ZNF536: variants seen among roughly 807,000 people sequenced by gnomAD.
The protein encoded by ZNF536 is zinc finger protein 536.
Under a neutral mutation model 84.5 loss-of-function variants are expected in ZNF536, and 13 were observed. The observed-to-expected ratio is 0.15, with a 90% CI of 0.10 to 0.24. The LOEUF is 0.24. Ranked by LOEUF, ZNF536 falls within the 10% of genes least tolerant of loss-of-function variation. The pLI, the probability that ZNF536 is intolerant of heterozygous loss-of-function variation, is 1.00. For missense variants in ZNF536, 1,536 were observed against 1,747.5 expected, an observed-to-expected ratio of 0.88 and a Z score of 2.16; for synonymous variants, 811 against 742.5, an observed-to-expected ratio of 1.09 and a Z score of -1.50.
intron 2 of ZNF536, among the ~76,000 whole-genome samples, chr19:30,288,250 C>T (rs192114866): frequency 2.6e-5 from 4 of 152,224 alleles, no homozygotes; most frequent in Admixed American, 2.6e-4. Flanking sequence ...ACTGGATGTC[C>T]GTCTCCTGGG....
intron 1 of ZNF536, among the ~76,000 whole-genome samples, chr19:30,397,542 T>C (rs752605179): frequency 5.3e-5 from 8 of 152,202 alleles, no homozygotes; most frequent in Non-Finnish European, 1.2e-4. Context: ...CAACTGAGTG[T>C]GAATCTACAA....
intron 2 of ZNF536, among the ~76,000 whole-genome samples, chr19:30,529,904 A>G (rs952249107): frequency 1.3e-5 from 2 of 152,256 alleles, no homozygotes; most frequent in African/African-American, 4.8e-5. Flanking sequence ...ATCTGAAGAA[A>G]TAATCCCATA....
chr19:30,415,167 C>G (rs1325095856), intron 1 of ZNF536, among the ~76,000 whole-genome samples: 1 of 78,350 alleles, frequency 1.3e-5, no homozygotes, highest in East Asian at 5.2e-4. Flanking sequence ...TCCCCCTGCC[C>G]CCTGTCTCCC....
At chr19:30,655,047 G>A (rs1476784495) in intron 1 of ZNF536, among the ~76,000 whole-genome samples, 3 of 152,208 alleles carry the variant, frequency 2.0e-5, no homozygotes, top group African/African-American at 4.8e-5. Flanking sequence ...CTACAACGAA[G>A]CACTCTGTTC....
chr19:30,571,038 T>C (rs537773020), intron 1 of ZNF536, among the ~76,000 whole-genome samples: 1 of 152,198 alleles, frequency 6.6e-6, no homozygotes, highest in Non-Finnish European at 1.5e-5. Context: ...GTGGAGTGTC[T>C]AACTGGCCCC....
intron 1 of ZNF536, among the ~76,000 whole-genome samples, chr19:30,578,592 A>G (rs1468498674): frequency 6.6e-6 from 1 of 152,180 alleles, no homozygotes; most frequent in Non-Finnish European, 1.5e-5. Context: ...CTCTTCCCAT[A>G]TTGGGCACTG....
intron 2 of ZNF536, among the ~76,000 whole-genome samples, chr19:30,533,479 C>T (rs2145912937): frequency 6.6e-6 from 1 of 151,078 alleles, no homozygotes; most frequent in South Asian, 2.1e-4. Flanking sequence ...GTGATTGTGC[C>T]ACTGCACTCT....
At position 30,271,294 on chromosome 19, in the gene ZNF536, C is replaced by CTTTTTTTTTTTTTTT. The variant is rs879683203; in HGVS notation, c.-189-12774_-189-12773insTTTTTTTTTTTTTTT. On this transcript the variant is annotated intron_variant, in intron 1 of 5. Coordinates refer to the ZNF536 transcript ENST00000585628. The stretch of plus-strand genomic sequence containing the variant: ...CTGGAAGCTTTCCCTGTGTTTTTTT[C>CTTTTTTTTTTTTTTT]TTTTCTTTTTTTTTTTTTTTTTTTT... Among the ~76,000 whole-genome samples the CTTTTTTTTTTTTTTT allele has an allele frequency of 7.5e-4, 77 of 103,156 alleles. 1 individual carries two copies. The highest frequency in any genetic ancestry group is 2.1e-3 in the East Asian group (7 of 3,400). 67.7% of individuals were successfully genotyped at this position (103,156 alleles called of 152,430 possible). A position where few individuals can be genotyped will look rare whatever the true frequency, so the allele number is the denominator to read the frequency against.
At chr19:30,437,160 T>G (rs1167130634) in intron 1 of ZNF536, among the ~76,000 whole-genome samples, 1 of 152,220 alleles carries the variant, frequency 6.6e-6, no homozygotes, top group Non-Finnish European at 1.5e-5. Context: ...AGATTACTTT[T>G]TTTTTTCTGT....
At chr19:30,667,640 T>A (rs990054658) in intron 1 of ZNF536, among the ~76,000 whole-genome samples, 20 of 150,154 alleles carry the variant, frequency 1.3e-4, no homozygotes, top group Middle Eastern at 3.4e-3. Context: ...TTTTTTTTTT[T>A]AATTAATGAG....
intron 1 of ZNF536, among the ~76,000 whole-genome samples, chr19:30,404,282 G>C (rs2050175772): frequency 6.6e-6 from 1 of 152,262 alleles, no homozygotes; most frequent in African/African-American, 2.4e-5. Flanking sequence ...TGTGGAGACA[G>C]CCTTGGTGTA....
Position 30,534,950 on chromosome 19 carries a change from A to G in ZNF536, c.2274A>G (p.Lys758=). The change falls in exon 3 of 5, where the codon AAA becomes AAG. Residue 758 remains lysine, a synonymous_variant. Coordinates refer to ENST00000355537, the MANE Select transcript of ZNF536 (RefSeq NM_014717.3). ...SAMKDCPYCG[K]TFRTSHHLKV... is the part of the protein sequence containing the mutation. ...TGAAGGACTGCCCGTACTGTGGGAAAACTTTCCGGACATCCCATCACCTTA... is the reference window on the plus strand; with the variant it reads ...TGAAGGACTGCCCGTACTGTGGGAAGACTTTCCGGACATCCCATCACCTTA... The G allele has an allele frequency of 6.2e-7, 1 of 1,613,702 alleles. No individual in the cohort carries two copies. Among genetic ancestry groups the G allele is most frequent in the South Asian group, 1.1e-5 (1 of 90,876 alleles).
intron 1 of ZNF536, among the ~76,000 whole-genome samples, chr19:30,232,380 T>C (rs1034357078): frequency 3.9e-5 from 6 of 152,152 alleles, no homozygotes; most frequent in Non-Finnish European, 7.4e-5. Context: ...ATGCATCCCG[T>C]CACCCAGGTA....
At chr19:30,388,897 G>A (rs1242115192) in intron 1 of ZNF536, among the ~76,000 whole-genome samples, 1 of 152,174 alleles carries the variant, frequency 6.6e-6, no homozygotes, top group Admixed American at 6.5e-5. Flanking sequence ...AGCTGGCAAT[G>A]GCCATTTATG....
chr19:30,489,970 C>T (rs970324178), intron 2 of ZNF536, among the ~76,000 whole-genome samples: 1 of 152,248 alleles, frequency 6.6e-6, no homozygotes, highest in African/African-American at 2.4e-5. Flanking sequence ...AAAGGGTGCA[C>T]ACTCTGTTCT....
chr19:30,373,933 C>T (rs1341775362), intron 1 of ZNF536, among the ~76,000 whole-genome samples: 1 of 152,232 alleles, frequency 6.6e-6, no homozygotes, highest in Non-Finnish European at 1.5e-5. Flanking sequence ...CCCAGGGCCG[C>T]AGCCCACCCG....
rs2148207726 is a variant in ZNF536 at position 30,445,007 on chromosome 19, A to G, written c.1445A>G (p.Glu482Gly). 2.5e-6 allele frequency: 4 copies of G among 1,611,408 alleles called. No individual in the cohort carries two copies. The highest frequency in any genetic ancestry group is 3.4e-6 in the Non-Finnish European group (4 of 1,178,702). The change falls in exon 2 of 5, where the codon GAG becomes GGG. Residue 482 changes from glutamate (E) to glycine (G), a missense_variant. Glu to Gly is a moderately conservative substitution (Grantham distance 98). This residue lies in a region of ZNF536 where 366 missense variants were observed against 364.4 expected (regional missense o/e 1.00). Coordinates refer to ENST00000355537, the MANE Select transcript of ZNF536 (RefSeq NM_014717.3). The surrounding 1 kb of genome is among the most constrained non-coding windows in gnomAD (Gnocchi z 4.5). Reference sequence around the variant, plus strand: ...TCCAGCATGGCCCACGGCGTCCCGGAGGGGGACAAGCACTCCCTCCTGGGA... The same window carrying G: ...TCCAGCATGGCCCACGGCGTCCCGGGGGGGGACAAGCACTCCCTCCTGGGA... ...PISSMAHGVP[E>G]GDKHSLLGCL...
chr19:30,482,048 T>G (rs552501175), intron 2 of ZNF536, among the ~76,000 whole-genome samples: 1 of 152,356 alleles, frequency 6.6e-6, no homozygotes, highest in South Asian at 2.1e-4. Flanking sequence ...CCACATTACC[T>G]TTATACTTTC....
intron 2 of ZNF536, among the ~76,000 whole-genome samples, chr19:30,509,302 A>G (rs2055310187): frequency 6.7e-6 from 1 of 148,440 alleles, no homozygotes; most frequent in South Asian, 2.1e-4. Context: ...TGTAACATAT[A>G]TTATACATAC....
Sources: allele counts gnomAD v4.1 joint callset (sites outside exome capture counted in the v4.1 genomes callset), GRCh38; gene constraint gnomAD v4.1.1; regional missense constraint gnomAD v4.1.1; non-coding constraint Gnocchi (gnomAD v3.1); transcripts MANE v1.5; gene names NCBI Gene and HGNC (gene_info 2026-07-23, HGNC 2026-07-21).